The following ASB15 variants were observed in gnomAD, a reference collection of about 807,000 sequenced individuals.
ASB15 encodes the protein ankyrin repeat and SOCS box containing 15, also known as ankyrin repeat and SOCS box protein 15.
Under a neutral mutation model 58.0 loss-of-function variants are expected in ASB15, and 54 were observed. The ratio of observed to expected loss-of-function variants is 0.93; its 90% CI spans 0.75 to 1.17. The LOEUF (loss-of-function observed/expected upper bound fraction) is 1.17. Ranked by LOEUF, ASB15 falls within the 50% of genes most tolerant of loss-of-function variation. The pLI is 0.00. For missense variants in ASB15, 680 were observed against 707.4 expected (o/e 0.96, Z 0.44); for synonymous variants, 249 against 262.4 (o/e 0.95, Z 0.50).
At chr7:123,632,353 T>C (rs755095638) in intron 11 of ASB15, among the ~76,000 whole-genome samples, 8 of 152,066 alleles carry the variant, frequency 5.3e-5, no homozygotes, top group Non-Finnish European at 1.2e-4. Context: ...AGCAACACAG[T>C]TGACAATACA....
chr7:123,586,818 T>A (rs191588987), intron 1 of ASB15, among the ~76,000 whole-genome samples: 226 of 151,860 alleles, frequency 1.5e-3, no homozygotes, highest in African/African-American at 5.2e-3. Context: ...CGTTTCCTCA[T>A]TGTGTATTTT....
intron 7 of ASB15, chr7:123,621,254 A>G (rs902062621): frequency 6.6e-6 from 1 of 152,214 alleles, no homozygotes; most frequent in Non-Finnish European, 1.5e-5. Flanking sequence ...TAGAATTAAT[A>G]TTAGGAAGTA....
chr7:123,581,571 A>G (rs564251266), intron 1 of ASB15, among the ~76,000 whole-genome samples: 1 of 151,900 alleles, frequency 6.6e-6, no homozygotes, highest in Non-Finnish European at 1.5e-5. Context: ...GCTTTGCTAC[A>G]TATTAGGTTT....
chr7:123,573,152 A>G (rs1798962402), intron 1 of ASB15, among the ~76,000 whole-genome samples: 1 of 152,100 alleles, frequency 6.6e-6, no homozygotes, highest in Non-Finnish European at 1.5e-5. Flanking sequence ...TTTTAATTCC[A>G]TCATTTATGT....
At chr7:123,583,664 G>C (rs190196791) in intron 1 of ASB15, among the ~76,000 whole-genome samples, 1 of 151,910 alleles carries the variant, frequency 6.6e-6, no homozygotes, top group Non-Finnish European at 1.5e-5. Flanking sequence ...CGGAGAGAAG[G>C]CACAGGAAAG....
In ASB15 at chr7:123,616,494, T is replaced by C. The variant is rs1240249551; in HGVS notation, c.291T>C (p.Asp97=). Residue 97 remains aspartate, a splice_region_variant and synonymous_variant, in exon 6 of 12, where the codon GAT becomes GAC. Transcript: ENST00000451215. ...PIQQILEIVL[D]ASYKTLWEFK... ...AACAAATACTTGAGATTGTTCTGGA[T>C]GGTAAGAGAACATAAAACATGTTTG... 6.8e-6 allele frequency: 11 copies of C among 1,611,880 alleles called. No individual in the cohort carries two copies. The highest frequency in any genetic ancestry group is 1.3e-5 in the African/African-American group (1 of 74,970).
intron 7 of ASB15, among the ~76,000 whole-genome samples, chr7:123,623,894 G>T (rs1584801636): frequency 1.5e-5 from 1 of 64,568 alleles, no homozygotes. Flanking sequence ...AAAGAAGAAA[G>T]AAAGAATGGA....
intron 2 of ASB15, among the ~76,000 whole-genome samples, chr7:123,607,638 C>T (rs116457793): frequency 0.017 from 2,567 of 152,168 alleles, 73 homozygotes; most frequent in African/African-American, 0.058. Context: ...AGGTGCCTAC[C>T]ACCACATCCA....
intron 4 of ASB15, 61 bp downstream of exon 4, chr7:123,614,670 A>T: frequency 9.6e-7 from 1 of 1,044,300 alleles, no homozygotes; most frequent in Middle Eastern, 2.1e-4. Flanking sequence ...TTGTTGTAAG[A>T]TAAAATGAAT....
chr7:123,618,047 A>G (rs762562850), intron 7 of ASB15, among the ~76,000 whole-genome samples: 35 of 152,188 alleles, frequency 2.3e-4, no homozygotes, highest in Non-Finnish European at 4.3e-4. Context: ...ATCCAGTTGT[A>G]AGGAGGGTTG....
In ASB15 at chr7:123,589,011, T is replaced by C. The variant is rs541276273; in HGVS notation, c.-442-15021T>C. ...ATGATCTATCCTGGAGAATATTCTA[T>C]GTCCATTGATAATGTGTATTCTTCT... On this transcript the variant is annotated intron_variant, in intron 1 of 13. Coordinates refer to the ASB15 transcript ENST00000451558. 2.6e-5 allele frequency among the ~76,000 whole-genome samples: 4 copies of C among 152,006 alleles called. No individual in the cohort carries two copies. The East Asian group carries it at 5.8e-4, about 22-fold the overall frequency.
chr7:123,628,358 C>T (rs1328407070), intron 9 of ASB15, among the ~76,000 whole-genome samples: 1 of 152,142 alleles, frequency 6.6e-6, no homozygotes, highest in Admixed American at 6.5e-5. Context: ...AACTGTGTGA[C>T]CTTGGACAAT....
At chr7:123,579,212 T>A (rs1799156971) in intron 1 of ASB15, among the ~76,000 whole-genome samples, 1 of 152,146 alleles carries the variant, frequency 6.6e-6, no homozygotes, top group Admixed American at 6.6e-5. Flanking sequence ...GTATCCATGT[T>A]GCTGAAAAGG....
In ASB15 at chr7:123,624,613, C is replaced by G; in HGVS notation, c.496C>G (p.His166Asp). ...TGACATGGTGTCGACTCTGATCAAA[C>G]ATAACACTAGCCTAGACCAGCCCTG... ...SYDMVSTLIKHNTSLDQPCVK... is the reference protein window; with the variant it reads ...SYDMVSTLIKDNTSLDQPCVK... The change falls in exon 8 of 12, where the codon CAT becomes GAT. Residue 166 changes from histidine to aspartate, a missense_variant. His to Asp is a moderately conservative substitution (Grantham distance 81). Coordinates refer to ENST00000451215, the MANE Select transcript of ASB15 (RefSeq NM_001290258.2). 1 of 1,613,774 alleles carries G rather than the reference C, an allele frequency of 6.2e-7. No individual in the cohort carries two copies. Among genetic ancestry groups the G allele is most frequent in the Non-Finnish European group, 8.5e-7 (1 of 1,179,664 alleles).
chr7:123,596,464 T>C (rs920392942), intron 1 of ASB15: 2 of 151,682 alleles, frequency 1.3e-5, no homozygotes, highest in African/African-American at 4.8e-5. Context: ...AAAAAAAAAT[T>C]AGCCAGATGT....
intron 1 of ASB15, among the ~76,000 whole-genome samples, chr7:123,570,238 A>C (rs1039748816): frequency 1.3e-5 from 2 of 151,864 alleles, no homozygotes; most frequent in Non-Finnish European, 2.9e-5. Context: ...GGGTTTCACC[A>C]TGTTAGCCAG....
intron 7 of ASB15, among the ~76,000 whole-genome samples, chr7:123,623,888 A>AAAAGG (rs1801511920): frequency 8.3e-6 from 1 of 120,076 alleles, no homozygotes; most frequent in Non-Finnish European, 1.7e-5. Context: ...AAAAGAAAAG[A>AAAAGG]AGAAAGAAAG....
intron 1 of ASB15, among the ~76,000 whole-genome samples, chr7:123,602,682 C>T (rs1300556196): frequency 1.3e-5 from 2 of 152,100 alleles, no homozygotes; most frequent in African/African-American, 4.8e-5. Context: ...AGAAATTTGC[C>T]TACAAGTTTT....
intron 8 of ASB15, among the ~76,000 whole-genome samples, chr7:123,626,450 C>T (rs1801779657): frequency 6.6e-6 from 1 of 151,730 alleles, no homozygotes; most frequent in South Asian, 2.1e-4. Context: ...CCAGCCTGGT[C>T]GACAGAGTGA....
Sources: gnomAD v4.1 joint callset for allele counts (sites outside exome capture counted in the v4.1 genomes callset) on GRCh38, gnomAD v4.1.1 for gene constraint, MANE v1.5 for transcripts, NCBI Gene and HGNC (gene_info 2026-07-23, HGNC 2026-07-21) for gene names.